Variants in SLC25A21 observed in about 807,000 individuals in gnomAD.
The protein encoded by SLC25A21 is solute carrier family 25 member 21.
A neutral mutation model predicts 43.8 loss-of-function variants in SLC25A21; 47 were observed. The observed-to-expected ratio is 1.07, with a 90% CI of 0.85 to 1.37. The LOEUF (loss-of-function observed/expected upper bound fraction) is 1.37, where lower values mean the gene tolerates loss of function less well. SLC25A21 is among the 40% of genes most tolerant of loss of function. The pLI is 0.00. For missense variants in SLC25A21, 352 were observed against 350.2 expected (o/e 1.00, Z -0.04); for synonymous variants, 131 against 121.3 (o/e 1.08, Z -0.52).
At chr14:36,680,816 T>A in intron 9 of SLC25A21, 97 bp from the exon 10 acceptor site, 1 of 1,074,478 alleles carries the variant, frequency 9.3e-7, no homozygotes, top group Non-Finnish European at 1.4e-6. Flanking sequence ...GCACAGCCTG[T>A]CAGGCAGAGG....
intron 1 of SLC25A21, among the ~76,000 whole-genome samples, chr14:37,148,517 A>G (rs1161819673): frequency 6.6e-6 from 1 of 152,232 alleles, no homozygotes; most frequent in Non-Finnish European, 1.5e-5. Flanking sequence ...ATAAGATGCT[A>G]TGAAAGAGGT....
At chr14:37,165,572 G>A (rs1964016519) in intron 1 of SLC25A21, among the ~76,000 whole-genome samples, 1 of 152,164 alleles carries the variant, frequency 6.6e-6, no homozygotes, top group Non-Finnish European at 1.5e-5. Context: ...ATTCTGGGAG[G>A]CAGGAGGAGG....
At chr14:36,929,576 G>T (rs951994524) in intron 1 of SLC25A21, among the ~76,000 whole-genome samples, 1 of 152,050 alleles carries the variant, frequency 6.6e-6, no homozygotes, top group South Asian at 2.1e-4. Context: ...GATAGGAATC[G>T]CATGGTTCGA....
At chr14:36,883,371 A>G (rs1006976159) in intron 1 of SLC25A21, among the ~76,000 whole-genome samples, 1 of 152,088 alleles carries the variant, frequency 6.6e-6, no homozygotes, top group Non-Finnish European at 1.5e-5. Context: ...AACATCCTTC[A>G]CGTGGACCAA....
At chr14:36,985,478 C>G in intron 1 of SLC25A21, among the ~76,000 whole-genome samples, 1 of 152,122 alleles carries the variant, frequency 6.6e-6, no homozygotes, top group East Asian at 1.9e-4. Flanking sequence ...TCTTCAGTCT[C>G]CTTTAATCTC....
At chr14:37,108,772 G>A (rs939699415) in intron 1 of SLC25A21, among the ~76,000 whole-genome samples, 1 of 151,284 alleles carries the variant, frequency 6.6e-6, no homozygotes, top group African/African-American at 2.4e-5. Context: ...ATCCCTTTGT[G>A]TTTTGGCTTT....
chr14:36,717,933 A>G (rs1884213917), intron 6 of SLC25A21, among the ~76,000 whole-genome samples: 1 of 152,210 alleles, frequency 6.6e-6, no homozygotes, highest in African/African-American at 2.4e-5. Context: ...AGTGGCGACC[A>G]GTGGGATAGG....
At chr14:36,707,755 T>C (rs1439163077) in intron 7 of SLC25A21, among the ~76,000 whole-genome samples, 2 of 152,228 alleles carry the variant, frequency 1.3e-5, no homozygotes, top group East Asian at 1.9e-4. Context: ...TAGAAAGCAA[T>C]GCATTAGCAT....
At chr14:36,910,841 T>C (rs1189427429) in intron 1 of SLC25A21, among the ~76,000 whole-genome samples, 2 of 152,212 alleles carry the variant, frequency 1.3e-5, no homozygotes, top group Non-Finnish European at 2.9e-5. Flanking sequence ...GAAGAGTTCT[T>C]TACATTAATT....
intron 6 of SLC25A21, among the ~76,000 whole-genome samples, chr14:36,718,423 C>A (rs933771549): frequency 1.3e-5 from 2 of 152,184 alleles, no homozygotes; most frequent in African/African-American, 4.8e-5. Context: ...CCCAATACAT[C>A]ATCATGAATG....
chr14:36,754,281 T>C (rs1289154347), intron 3 of SLC25A21, among the ~76,000 whole-genome samples: 1 of 152,064 alleles, frequency 6.6e-6, no homozygotes, highest in African/African-American at 2.4e-5. Flanking sequence ...AAGAGAAACT[T>C]CTCCAGCCTG....
At chr14:36,705,817 G>T (rs2139178551) in intron 7 of SLC25A21, among the ~76,000 whole-genome samples, 1 of 152,286 alleles carries the variant, frequency 6.6e-6, no homozygotes, top group African/African-American at 2.4e-5. Flanking sequence ...ATGACCAATT[G>T]CTGGGTAAGG....
In SLC25A21 at chr14:36,853,633, C is replaced by T. The variant is rs552259663; in HGVS notation, c.119+21323G>A. Among the ~76,000 whole-genome samples, 7 of 152,248 alleles carry T rather than the reference C, an allele frequency of 4.6e-5. No individual in the cohort carries two copies. The East Asian group carries it at 5.8e-4, about 13-fold the overall frequency. ...CAGCCCATTTGGACATGTAAACATG[C>T]GCTTACTCTACTAAATAGTTGGTTA... On this transcript the variant is annotated intron_variant, in intron 2 of 9. Coordinates refer to ENST00000331299, the MANE Select transcript of SLC25A21 (RefSeq NM_030631.4).
intron 4 of SLC25A21, among the ~76,000 whole-genome samples, chr14:36,731,015 C>T (rs1464563828): frequency 6.6e-6 from 1 of 151,320 alleles, no homozygotes; most frequent in African/African-American, 2.4e-5. Context: ...CTCTGTCGCC[C>T]AGGCTGGAGT....
At chr14:37,140,302 G>A (rs1963549745) in intron 1 of SLC25A21, among the ~76,000 whole-genome samples, 1 of 152,132 alleles carries the variant, frequency 6.6e-6, no homozygotes, top group South Asian at 2.1e-4. Context: ...TTCCTTAAGG[G>A]CAAGAACTAT....
At chr14:37,138,219 C>T (rs1963515540) in intron 1 of SLC25A21, among the ~76,000 whole-genome samples, 1 of 151,936 alleles carries the variant, frequency 6.6e-6, no homozygotes, top group African/African-American at 2.4e-5. Context: ...TTTCAGAAAA[C>T]TGAGGCAAGG....
intron 2 of SLC25A21, among the ~76,000 whole-genome samples, chr14:36,823,435 G>A (rs1937766509): frequency 6.6e-6 from 1 of 152,104 alleles, no homozygotes; most frequent in South Asian, 2.1e-4. Flanking sequence ...ATATATGTAT[G>A]TATGTATACA....
At position 36,734,633 on chromosome 14, in the gene SLC25A21, C is replaced by T. The variant is rs1884961052; in HGVS notation, c.204-60G>A. 2.3e-6 allele frequency: 3 copies of T among 1,326,784 alleles called. No homozygotes were observed. The Admixed American group carries it at 5.9e-5, about 26-fold the overall frequency. The allele number at this position is 1,326,784 out of a possible 1,614,324, so 82.2% of individuals were successfully genotyped here. A position where few individuals can be genotyped will look rare whatever the true frequency, so the allele number is the denominator to read the frequency against. ...GAAATTAGGCAACAAGTATTTCTGA[C>T]TTTGTTAAGATAATCCTAAAGTATT... On this transcript the variant is annotated intron_variant, in intron 3 of 9. Transcript: ENST00000331299.
rs35392668 is a variant in SLC25A21 at position 36,779,609 on chromosome 14, C to CATATATATATATAT, written c.203+34295_203+34308dup. Among the ~76,000 whole-genome samples the CATATATATATATAT allele has an allele frequency of 6.5e-4, 80 of 122,456 alleles. 2 individuals are homozygous for CATATATATATATAT. The highest frequency in any genetic ancestry group is 1.1e-3 in the Non-Finnish European group (63 of 57,354). The allele number at this position is 122,456 out of a possible 152,430, so 80.3% of individuals were successfully genotyped here. A position where few individuals can be genotyped will look rare whatever the true frequency, so the allele number is the denominator to read the frequency against. ...AAAGAAAGGAATGTATATGTGTATA[C>CATATATATATATAT]ATATATATATATATATATATATATA... On this transcript the variant is annotated intron_variant, in intron 3 of 9. Coordinates refer to ENST00000331299, the MANE Select transcript of SLC25A21 (RefSeq NM_030631.4).
Sources: gnomAD v4.1 joint callset for allele counts (sites outside exome capture counted in the v4.1 genomes callset) on GRCh38, gnomAD v4.1.1 for gene constraint, MANE v1.5 for transcripts, NCBI Gene and HGNC (gene_info 2026-07-23, HGNC 2026-07-21) for gene names.